CYP46A1: variants seen among roughly 807,000 people sequenced by gnomAD.
CYP46A1 encodes the protein cytochrome P450 family 46 subfamily A member 1.
A neutral mutation model predicts 63.3 loss-of-function variants in CYP46A1; 20 were observed. The ratio of observed to expected loss-of-function variants is 0.32; its 90% CI spans 0.22 to 0.46. CYP46A1 has a LOEUF of 0.46. Among genes scored for constraint, CYP46A1 ranks in the 20% least tolerant of loss-of-function variants. The pLI is 1.00. For missense variants in CYP46A1, 445 were observed against 670.8 expected (o/e 0.66, Z 3.72); for synonymous variants, 268 against 273.6 (o/e 0.98, Z 0.20).
chr14:99,690,642 A>G (rs186148420), intron 1 of CYP46A1, among the ~76,000 whole-genome samples: 1 of 152,178 alleles, frequency 6.6e-6, no homozygotes, highest in Non-Finnish European at 1.5e-5. Context: ...CCAGCTGTGC[A>G]ATTGTGGGCA....
chr14:99,711,290 G>T (rs532568062), intron 7 of CYP46A1: 1 of 151,750 alleles, frequency 6.6e-6, no homozygotes. Flanking sequence ...TTAGTAGAAG[G>T]AAATAAATAT....
At chr14:99,724,996 G>C (rs2056882516) in intron 12 of CYP46A1, among the ~76,000 whole-genome samples, 1 of 152,208 alleles carries the variant, frequency 6.6e-6, no homozygotes, top group Non-Finnish European at 1.5e-5. Flanking sequence ...TCGGGATCTA[G>C]AGGAAGTTGG....
intron 1 of CYP46A1, among the ~76,000 whole-genome samples, chr14:99,690,561 A>G (rs562124621): frequency 9.2e-5 from 14 of 152,200 alleles, no homozygotes; most frequent in Non-Finnish European, 1.9e-4. Flanking sequence ...CTTCTTTACA[A>G]TTTGGTGAAC....
chr14:99,726,554 C>A lies in CYP46A1; in HGVS notation c.1333-3C>A. 6.4e-7 allele frequency: 1 copy of A among 1,574,324 alleles called. No homozygotes were observed. Among genetic ancestry groups the A allele is most frequent in the Non-Finnish European group, 8.6e-7 (1 of 1,160,902 alleles). On this transcript the variant is annotated splice_region_variant and splice_polypyrimidine_tract_variant and intron_variant, in intron 14 of 14. Transcript: ENST00000261835. Reference sequence around the variant, plus strand: ...CCTTCCTCATTTTGCCCGCTGGGCCCAGATGGAGGTGAAGGTGGTCATGGC... The same window carrying A: ...CCTTCCTCATTTTGCCCGCTGGGCCAAGATGGAGGTGAAGGTGGTCATGGC...
At chr14:99,696,753 CCTG>C (rs1196693189) in intron 3 of CYP46A1, among the ~76,000 whole-genome samples, 10 of 152,178 alleles carry the variant, frequency 6.6e-5, no homozygotes, top group African/African-American at 2.4e-4. Context: ...GTCATAATAT[CCTG>C]CTTTGTGGCA....
chr14:99,726,348 G>GGGGCTACT (rs2056897427), intron 14 of CYP46A1, 92 bp downstream of exon 14: 2 of 1,301,738 alleles, frequency 1.5e-6, no homozygotes, highest in African/African-American at 1.5e-5. Flanking sequence ...CCCCTGCTCT[G>GGGGCTACT]GGGCTGCTGG....
intron 2 of CYP46A1, chr14:99,691,538 A>G: frequency 1.7e-6 from 1 of 582,260 alleles, no homozygotes; most frequent in East Asian, 2.8e-5. Flanking sequence ...TCAAAGAAGG[A>G]GTGTTTCCAA....
chr14:99,715,393 G>A (rs914483225), intron 7 of CYP46A1, among the ~76,000 whole-genome samples: 3 of 152,168 alleles, frequency 2.0e-5, no homozygotes, highest in African/African-American at 7.2e-5. Flanking sequence ...TCATCTCAGG[G>A]CCCCCTCCCG....
At chr14:99,698,592 T>G (rs1422982926) in intron 3 of CYP46A1, among the ~76,000 whole-genome samples, 1 of 152,190 alleles carries the variant, frequency 6.6e-6, no homozygotes, top group Non-Finnish European at 1.5e-5. Context: ...TAGCACTTCT[T>G]ATGTAGAATT....
intron 1 of CYP46A1, 86 bp downstream of exon 1, chr14:99,684,622 G>A (rs960400373): frequency 2.1e-5 from 25 of 1,206,366 alleles, no homozygotes; most frequent in Non-Finnish European, 2.6e-5. Context: ...CAGGCCGGGG[G>A]TCCGGCCTCG....
chr14:99,698,395 G>A (rs766038947), intron 3 of CYP46A1, among the ~76,000 whole-genome samples: 19 of 152,044 alleles, frequency 1.2e-4, no homozygotes, highest in Non-Finnish European at 2.5e-4. Context: ...GTAACCTTGG[G>A]TCAGTTTTCA....
chr14:99,691,260 C>T (rs1381017877), intron 2 of CYP46A1, 99 bp downstream of exon 2: 4 of 1,213,950 alleles, frequency 3.3e-6, no homozygotes, highest in Non-Finnish European at 4.9e-6. Flanking sequence ...TCACCTTCCC[C>T]TAGCCCAGGT....
chr14:99,690,972 G>A, intron 1 of CYP46A1, 109 bp from the exon 2 acceptor site: 1 of 1,030,288 alleles, frequency 9.7e-7, no homozygotes, highest in Non-Finnish European at 1.5e-6. Context: ...ACCTCCCCAT[G>A]CCTCGGTCCT....
intron 7 of CYP46A1, among the ~76,000 whole-genome samples, chr14:99,715,522 C>T (rs1020634453): frequency 1.3e-5 from 2 of 152,122 alleles, no homozygotes; most frequent in Non-Finnish European, 2.9e-5. Context: ...AGCCTAGCTG[C>T]CTCCACTCAT....
In CYP46A1 at chr14:99,691,820, C is replaced by G. The variant is rs760979832; in HGVS notation, c.241C>G (p.His81Asp). ...YGPVVRVNVF[H>D]KTSVIVTSPE... ...ACCTGTTGTGCGGGTCAACGTCTTC[C>G]ACAAAACCTCAGTCATCGTCACGAG... Residue 81 changes from histidine (H) to aspartate (D), a missense_variant, in exon 3 of 15, where the codon CAC (histidine) becomes GAC (aspartate). By Grantham distance (81) the His-to-Asp change is moderately conservative. This residue lies in a region of CYP46A1 where 252 missense variants were observed against 383.3 expected (regional missense o/e 0.66). Coordinates refer to ENST00000261835, the MANE Select transcript of CYP46A1 (RefSeq NM_006668.2). 4.3e-6 allele frequency: 7 copies of G among 1,614,068 alleles called. No homozygotes were observed. Among genetic ancestry groups the G allele is most frequent in the Non-Finnish European group, 5.9e-6 (7 of 1,180,044 alleles).
In CYP46A1 at chr14:99,724,326, T is replaced by C. The variant is rs151051559; in HGVS notation, c.1177-1065T>C. On this transcript the variant is annotated intron_variant, in intron 12 of 14. Coordinates refer to ENST00000261835, the MANE Select transcript of CYP46A1 (RefSeq NM_006668.2). ...AGCCCCAGTCCCTGCTCCCAGCCCC[T>C]CTCCTCCCAGGGTTCTGCCCTGCCT... Among the ~76,000 whole-genome samples, 402 of 152,188 alleles carry C rather than the reference T, an allele frequency of 2.6e-3. 3 individuals carry two copies. The highest frequency in any genetic ancestry group is 0.013 in the Admixed American group (197 of 15,292).
chr14:99,723,116 A>C, intron 12 of CYP46A1: 1 of 274,982 alleles, frequency 3.6e-6, no homozygotes, highest in East Asian at 8.5e-5. Context: ...GTGTTTTTAA[A>C]AAAGTATTTC....
chr14:99,716,525 A>G (rs1478678045), intron 9 of CYP46A1, among the ~76,000 whole-genome samples: 1 of 152,338 alleles, frequency 6.6e-6, no homozygotes, highest in South Asian at 2.1e-4. Context: ...GATGCTAAGC[A>G]GCTTCATTCA....
At chr14:99,721,183 G>A in intron 10 of CYP46A1, 56 bp from the exon 11 acceptor site, 1 of 1,333,990 alleles carries the variant, frequency 7.5e-7, no homozygotes, top group South Asian at 1.2e-5. Context: ...TTAAAGCTAA[G>A]TAAGTCGGGG....
Sources: gnomAD v4.1 joint callset for allele counts (sites outside exome capture counted in the v4.1 genomes callset) on GRCh38, gnomAD v4.1.1 for gene constraint, gnomAD v4.1.1 regional missense constraint, MANE v1.5 for transcripts, NCBI Gene and HGNC (gene_info 2026-07-23, HGNC 2026-07-21) for gene names.